CADPS2: variants seen among roughly 807,000 people sequenced by gnomAD.
CADPS2 encodes the protein calcium-dependent secretion activator 2.
In CADPS2, 93 loss-of-function variants were observed where a neutral mutation model predicts 172.5. The ratio of observed to expected loss-of-function variants is 0.54; its 90% CI spans 0.46 to 0.64. The LOEUF is 0.64. Among genes scored for constraint, CADPS2 ranks in the 30% least tolerant of loss-of-function variants. The probability of loss-of-function intolerance (pLI) is 0.00; values close to 1 mark genes in which losing one functional copy is unlikely to be tolerated. For synonymous variants in CADPS2, 546 were observed against 555.2 expected, an observed-to-expected ratio of 0.98 and a Z score of 0.23; for missense variants, 1,420 against 1,565.9, an observed-to-expected ratio of 0.91 and a Z score of 1.57.
chr7:122,847,838 G>A (rs972054977), intron 1 of CADPS2, among the ~76,000 whole-genome samples: 1 of 152,160 alleles, frequency 6.6e-6, no homozygotes, highest in Non-Finnish European at 1.5e-5. Context: ...AAATACAATA[G>A]GAGTAGCTGT....
At chr7:122,384,520 A>G (rs547430785) in intron 24 of CADPS2, among the ~76,000 whole-genome samples, 1 of 152,192 alleles carries the variant, frequency 6.6e-6, no homozygotes, top group East Asian at 1.9e-4. Flanking sequence ...CAATTCCGAA[A>G]CTTATCTCAG....
At position 122,673,725 on chromosome 7, in the gene CADPS2, T is replaced by G. The variant is rs570651952; in HGVS notation, c.454-10156A>C. ...ACATAAAAGTTCTCCAAGTCCCCAC[T>G]GGACTCAGGGGCCCAACTGGCTTCG... On this transcript the variant is annotated intron_variant, in intron 2 of 29. Coordinates refer to ENST00000449022, the MANE Select transcript of CADPS2 (RefSeq NM_017954.11). Among the ~76,000 whole-genome samples the G allele has an allele frequency of 5.3e-5, 8 of 152,248 alleles. 1 individual carries two copies. The East Asian group carries it at 1.3e-3, about 26-fold the overall frequency.
intron 3 of CADPS2, among the ~76,000 whole-genome samples, chr7:122,659,291 C>A (rs2080218049): frequency 6.8e-5 from 5 of 73,692 alleles, no homozygotes; most frequent in Admixed American, 1.6e-4. Flanking sequence ...ACCAAAAAAT[C>A]AAAAGGAAAT....
chr7:122,601,549 T>C (rs2133487467), intron 6 of CADPS2, among the ~76,000 whole-genome samples: 1 of 152,116 alleles, frequency 6.6e-6, no homozygotes, highest in South Asian at 2.1e-4. Context: ...TCAATGAAGT[T>C]CTGGGAACAA....
chr7:122,885,890 A>C (rs892695546), intron 1 of CADPS2, 109 bp downstream of exon 1: 4 of 1,328,950 alleles, frequency 3.0e-6, no homozygotes, highest in Non-Finnish European at 3.2e-6. Context: ...AGACTAACAA[A>C]AATACGGTGT....
At chr7:122,869,149 G>T (rs1819075600) in intron 1 of CADPS2, among the ~76,000 whole-genome samples, 2 of 152,038 alleles carry the variant, frequency 1.3e-5, no homozygotes, top group Admixed American at 1.3e-4. Context: ...AAGAAATAAT[G>T]ACAGAAAACT....
At chr7:122,477,223 C>T (rs1433338711) in intron 12 of CADPS2, among the ~76,000 whole-genome samples, 1 of 152,090 alleles carries the variant, frequency 6.6e-6, no homozygotes, top group Non-Finnish European at 1.5e-5. Context: ...TATAACATTA[C>T]TGAAAACTGA....
At chr7:122,703,563 G>C (rs1452426949) in intron 2 of CADPS2, among the ~76,000 whole-genome samples, 1 of 152,148 alleles carries the variant, frequency 6.6e-6, no homozygotes, top group African/African-American at 2.4e-5. Flanking sequence ...CAAATACTGA[G>C]AGTGGACATA....
chr7:122,683,693 A>G (rs1334544656), intron 2 of CADPS2, among the ~76,000 whole-genome samples: 1 of 151,946 alleles, frequency 6.6e-6, no homozygotes, highest in Admixed American at 6.6e-5. Context: ...TCCCTCAGCA[A>G]GTACAGAAGG....
intron 17 of CADPS2, among the ~76,000 whole-genome samples, chr7:122,426,401 T>C (rs1007448204): frequency 3.9e-5 from 6 of 152,238 alleles, no homozygotes; most frequent in African/African-American, 1.4e-4. Flanking sequence ...TGTGCATGCA[T>C]TGATGCCTCA....
rs1180253891 is a variant in CADPS2 at position 122,319,677 on chromosome 7, A to C, written c.*488T>G. The C allele has an allele frequency of 6.6e-6, 1 of 152,528 alleles. No homozygotes were observed. The highest frequency in any genetic ancestry group is 1.5e-5 in the Non-Finnish European group (1 of 68,296). The allele number at this position is 152,528 out of a possible 1,614,324, so 9.4% of individuals were successfully genotyped here. A position where few individuals can be genotyped will look rare whatever the true frequency, so the allele number is the denominator to read the frequency against. On this transcript the variant is annotated 3_prime_UTR_variant, in exon 30 of 30. Transcript: ENST00000449022. ...ACATCACAATAATAGCAAATTAAGT[A>C]CAAAACGAACCTGGCACATAAATTA...
intron 1 of CADPS2, among the ~76,000 whole-genome samples, chr7:122,816,156 TTA>T (rs1362855287): frequency 6.6e-6 from 1 of 152,024 alleles, no homozygotes; most frequent in Non-Finnish European, 1.5e-5. Flanking sequence ...CAACTCTTCT[TTA>T]TCTTTCCCCA....
intron 1 of CADPS2, among the ~76,000 whole-genome samples, chr7:122,816,941 C>A (rs1801608196): frequency 1.3e-5 from 2 of 151,700 alleles, no homozygotes; most frequent in African/African-American, 4.9e-5. Flanking sequence ...CCTGGCTCAT[C>A]CTGGCTCAAA....
At chr7:122,851,450 A>G (rs1017400597) in intron 1 of CADPS2, among the ~76,000 whole-genome samples, 1 of 152,216 alleles carries the variant, frequency 6.6e-6, no homozygotes, top group Non-Finnish European at 1.5e-5. Flanking sequence ...TGCTTCCCAC[A>G]GCAGGAAGCC....
At chr7:122,402,036 AT>A (rs1016062693) in intron 20 of CADPS2, among the ~76,000 whole-genome samples, 2 of 151,818 alleles carry the variant, frequency 1.3e-5, no homozygotes, top group African/African-American at 4.8e-5. Context: ...ATGTTTTTTT[AT>A]TTTTTTCTCC....
intron 14 of CADPS2, among the ~76,000 whole-genome samples, chr7:122,457,611 C>G (rs765328273): frequency 7.9e-5 from 12 of 152,264 alleles, no homozygotes; most frequent in Middle Eastern, 3.4e-3. Context: ...ATCTGTTTAA[C>G]TTTGTATAAA....
intron 1 of CADPS2, among the ~76,000 whole-genome samples, chr7:122,883,630 G>A (rs1171114603): frequency 6.6e-6 from 1 of 152,062 alleles, no homozygotes; most frequent in African/African-American, 2.4e-5. Context: ...ATTTCATTTT[G>A]CCCTAAGAGG....
intron 6 of CADPS2, among the ~76,000 whole-genome samples, chr7:122,582,996 G>C (rs2132925406): frequency 6.6e-6 from 1 of 151,620 alleles, no homozygotes; most frequent in Non-Finnish European, 1.5e-5. Flanking sequence ...AGAGAAAAGT[G>C]AACTTTGTCT....
chr7:122,365,260 C>T (rs1022984879), intron 25 of CADPS2, among the ~76,000 whole-genome samples: 2 of 152,072 alleles, frequency 1.3e-5, no homozygotes, highest in African/African-American at 4.8e-5. Flanking sequence ...CCTCCCTATC[C>T]CTAAAGGTCC....
Sources: gnomAD v4.1 joint callset for allele counts (sites outside exome capture counted in the v4.1 genomes callset) on GRCh38, gnomAD v4.1.1 for gene constraint, MANE v1.5 for transcripts, NCBI Gene and HGNC (gene_info 2026-07-23, HGNC 2026-07-21) for gene names.